Variants in ZNF334 observed in about 807,000 individuals in gnomAD.
ZNF334 encodes the protein zinc finger protein 334.
In ZNF334, 14 loss-of-function variants were observed where a neutral mutation model predicts 12.4. The observed-to-expected ratio is 1.13, with a 90% CI of 0.74 to 1.76. The LOEUF (loss-of-function observed/expected upper bound fraction) is 1.76. Ranked by LOEUF, ZNF334 falls within the 40% of genes most tolerant of loss-of-function variation. The pLI is 0.00. For missense variants in ZNF334, 797 were observed against 804.5 expected, an observed-to-expected ratio of 0.99 and a Z score of 0.11; for synonymous variants, 273 against 269.6, an observed-to-expected ratio of 1.01 and a Z score of -0.12.
the ZNF334 span, chr20:46,492,265 A>G: frequency 2.0e-5 from 3 of 152,772 alleles, no homozygotes; most frequent in Non-Finnish European, 4.4e-5. Flanking sequence ...TGTCAGATCT[A>G]ACACAACATA....
chr20:46,506,947 CA>C (rs199515165), intron 2 of ZNF334, among the ~76,000 whole-genome samples: 6 of 137,954 alleles, frequency 4.3e-5, no homozygotes, highest in African/African-American at 1.8e-4. Context: ...CCCCATCTCT[CA>C]AAAAAATTTT....
At position 46,500,105 on chromosome 20, in the gene ZNF334, A is replaced by G. The variant is rs992629038; in HGVS notation, c.*1191T>C. 2.6e-5 allele frequency: 4 copies of G among 152,244 alleles called. No individual in the cohort carries two copies. The highest frequency in any genetic ancestry group is 5.9e-5 in the Non-Finnish European group (4 of 68,042). 9.4% of individuals were successfully genotyped at this position (152,244 alleles called of 1,614,324 possible). A position where few individuals can be genotyped will look rare whatever the true frequency, so the allele number is the denominator to read the frequency against. ...CAGGCAATATCTGTGACAAGAAATT[A>G]TACTTGCAGGTCAGCCCACAATGAA... On this transcript the variant is annotated 3_prime_UTR_variant, in exon 5 of 5. Coordinates refer to ENST00000692313, the MANE Select transcript of ZNF334 (RefSeq NM_001353824.2).
the ZNF334 span, among the ~76,000 whole-genome samples, chr20:46,470,864 A>G: frequency 6.6e-6 from 1 of 152,162 alleles, no homozygotes; most frequent in Non-Finnish European, 1.5e-5. Flanking sequence ...TCTACTTCTA[A>G]TGGATGTTTG....
intron 2 of ZNF334, chr20:46,505,685 C>G (rs1163123547): frequency 2.0e-5 from 3 of 153,782 alleles, no homozygotes; most frequent in Non-Finnish European, 4.4e-5. Context: ...CAAACGTGGT[C>G]ACGCTCATTT....
rs2061690565 is a variant in ZNF334 at position 46,512,524 on chromosome 20, AT to A, written c.-39+15del. 1 of 159,034 alleles carries A rather than the reference AT, an allele frequency of 6.3e-6. No homozygotes were observed. Among genetic ancestry groups the A allele is most frequent in the Admixed American group, 6.2e-5 (1 of 16,004 alleles). The allele number at this position is 159,034 out of a possible 1,614,324, so 9.9% of individuals were successfully genotyped here. ...AAAGATTTCTTGGAATAGGAAAATG[AT>A]ATTATGTCACTTACCTGTTTTCCTA... On this transcript the variant is annotated intron_variant, in intron 1 of 4. Transcript: ENST00000692313.
At chr20:46,483,459 CA>C in the ZNF334 span, among the ~76,000 whole-genome samples, 1 of 152,022 alleles carries the variant, frequency 6.6e-6, no homozygotes, top group African/African-American at 2.4e-5. Flanking sequence ...GTCTTTAAGA[CA>C]TTTTTCTATT....
intron 3 of ZNF334, 23 bp downstream of exon 3, chr20:46,504,591 T>C: frequency 6.4e-7 from 1 of 1,570,884 alleles, no homozygotes; most frequent in South Asian, 1.2e-5. Context: ...CTCTTGGGAG[T>C]TGTACAGGGA....
the ZNF334 span, chr20:46,464,443 G>A: frequency 1.9e-6 from 1 of 517,164 alleles, no homozygotes; most frequent in Admixed American, 2.0e-5. Context: ...CACGCTCACT[G>A]GGGCTGGCTT....
chr20:46,477,443 ATCT>A, the ZNF334 span, among the ~76,000 whole-genome samples: 1 of 151,674 alleles, frequency 6.6e-6, no homozygotes, highest in Non-Finnish European at 1.5e-5. Flanking sequence ...GGCTCAAGTG[ATCT>A]TCTCACCTCA....
At chr20:46,473,059 A>C in the ZNF334 span, among the ~76,000 whole-genome samples, 1 of 152,198 alleles carries the variant, frequency 6.6e-6, no homozygotes, top group African/African-American at 2.4e-5. Context: ...TGCATCAGTT[A>C]GTCAATTTTA....
chr20:46,509,141 G>A (rs2061549514), intron 2 of ZNF334, among the ~76,000 whole-genome samples: 1 of 152,036 alleles, frequency 6.6e-6, no homozygotes, highest in Non-Finnish European at 1.5e-5. Context: ...TTTTATCTGG[G>A]CAAGTCTATA....
At chr20:46,487,549 T>TG in the ZNF334 span, among the ~76,000 whole-genome samples, 1 of 152,224 alleles carries the variant, frequency 6.6e-6, no homozygotes, top group African/African-American at 2.4e-5. Flanking sequence ...TTCATATTCT[T>TG]GGAGTGTATT....
At position 46,503,026 on chromosome 20, in the gene ZNF334, T is replaced by C. The variant is rs111517766; in HGVS notation, c.313A>G (p.Asn105Asp). ...KHLTQTVFFS[N>D]KTLITERENV... is the part of the protein sequence containing the mutation. ...TCTCTTTCTGTAATCAGTGTTTTGT[T>C]GCTGAAGAATACAGTTTGTGTCAAA... The change falls in exon 5 of 5, where the codon AAC becomes GAC. Residue 105 changes from asparagine to aspartate, a missense_variant. Transcript: ENST00000692313. 0.014 allele frequency: 21,850 copies of C among 1,613,678 alleles called. 167 individuals carry two copies. Among genetic ancestry groups the C allele is most frequent in the Middle Eastern group, 0.019 (115 of 6,054 alleles).
At chr20:46,473,211 T>C in the ZNF334 span, among the ~76,000 whole-genome samples, 1 of 152,248 alleles carries the variant, frequency 6.6e-6, no homozygotes, top group Non-Finnish European at 1.5e-5. Context: ...TTCTTCTGTT[T>C]ATCAGGCTAC....
At chr20:46,465,062 G>A in the ZNF334 span, 2 of 310,758 alleles carry the variant, frequency 6.4e-6, no homozygotes, top group Non-Finnish European at 1.3e-5. Context: ...GGGAATGCAA[G>A]TAGCGACAGT....
chr20:46,474,267 G>C, the ZNF334 span, among the ~76,000 whole-genome samples: 232 of 152,180 alleles, frequency 1.5e-3, no homozygotes, highest in African/African-American at 5.5e-3. Flanking sequence ...CAGCTACTTG[G>C]GAGGCTGAGG....
At chr20:46,506,284 A>G (rs989829851) in intron 2 of ZNF334, 2 of 570,042 alleles carry the variant, frequency 3.5e-6, no homozygotes, top group Non-Finnish European at 6.3e-6. Flanking sequence ...GCAAAGTATT[A>G]AAGAATATCT....
Position 46,501,933 on chromosome 20 carries a change from A to T in ZNF334, c.1406T>A (p.Phe469Tyr), listed in dbSNP as rs778324473. ...AGTGAGTGTTGACTTATGGCAGAAAAATTTCCCACATTCATTACATTCATA... is the reference window on the plus strand; with the variant it reads ...AGTGAGTGTTGACTTATGGCAGAAATATTTCCCACATTCATTACATTCATA... ...KSYECNECGK[F>Y]FCHKSTLTIH... The change falls in exon 5 of 5, where the codon TTT becomes TAT. Residue 469 changes from phenylalanine (F) to tyrosine (Y), a missense_variant. Transcript: ENST00000692313. 10 of 1,613,158 alleles carry T rather than the reference A, an allele frequency of 6.2e-6. No homozygotes were observed. Among genetic ancestry groups the T allele is most frequent in the Non-Finnish European group, 1.7e-6 (2 of 1,179,794 alleles).
At chr20:46,464,163 G>A in the ZNF334 span, 5 of 529,444 alleles carry the variant, frequency 9.4e-6, no homozygotes, top group East Asian at 4.7e-5. Context: ...ATACCTGCTT[G>A]TAAAAACACA....
Sources: gnomAD v4.1 joint callset for allele counts (sites outside exome capture counted in the v4.1 genomes callset) on GRCh38, gnomAD v4.1.1 for gene constraint, MANE v1.5 for transcripts, NCBI Gene and HGNC (gene_info 2026-07-23, HGNC 2026-07-21) for gene names.